Variants in TTLL7 observed in about 807,000 individuals in gnomAD.
TTLL7 encodes the protein tubulin polyglutamylase TTLL7.
In TTLL7, 53 loss-of-function variants were observed where a neutral mutation model predicts 120.2. That is an observed-to-expected ratio of 0.44 (90% CI 0.35 to 0.55). The LOEUF is 0.55. TTLL7 is among the 20% of genes least tolerant of loss of function. The pLI, the probability that TTLL7 is intolerant of heterozygous loss-of-function variation, is 0.00. For synonymous variants in TTLL7, 353 were observed against 351.7 expected, an observed-to-expected ratio of 1.00 and a Z score of -0.04; for missense variants, 803 against 1,054.7, an observed-to-expected ratio of 0.76 and a Z score of 3.31.
At chr1:83,944,386 C>T (rs1233455271) in intron 6 of TTLL7, among the ~76,000 whole-genome samples, 2 of 152,234 alleles carry the variant, frequency 1.3e-5, no homozygotes, top group Non-Finnish European at 1.5e-5. Flanking sequence ...TGTCAAAGAA[C>T]ACCAGAAAGG....
At chr1:83,895,646 A>AT (rs1486916870) in intron 18 of TTLL7, among the ~76,000 whole-genome samples, 4 of 152,090 alleles carry the variant, frequency 2.6e-5, no homozygotes, top group Admixed American at 6.6e-5. Context: ...TCGTGAAAAC[A>AT]TTTTGGATCC....
intron 9 of TTLL7, among the ~76,000 whole-genome samples, chr1:83,931,685 A>G (rs1338899128): frequency 6.6e-6 from 1 of 152,094 alleles, no homozygotes; most frequent in Non-Finnish European, 1.5e-5. Context: ...AAGAGTACTT[A>G]AAACTATTGG....
chr1:83,894,873 C>G (rs1051872291), intron 18 of TTLL7, among the ~76,000 whole-genome samples: 1 of 152,040 alleles, frequency 6.6e-6, no homozygotes, highest in Non-Finnish European at 1.5e-5. Context: ...TTTCAAGGAG[C>G]CTCCGCAAGA....
At position 83,867,909 on chromosome 1, in the gene TTLL7, A is replaced by G. The variant is rs1653026139; in HGVS notation, c.*2053T>C. 2 of 152,150 alleles carry G rather than the reference A, an allele frequency of 1.3e-5. No individual in the cohort carries two copies. The highest frequency in any genetic ancestry group is 1.3e-4 in the Admixed American group (2 of 15,264). The allele number at this position is 152,150 out of a possible 1,614,324, so 9.4% of individuals were successfully genotyped here. A position where few individuals can be genotyped will look rare whatever the true frequency, so the allele number is the denominator to read the frequency against. ...GAATTCACAAAATGGAGTCATAAACAGTGTAGTCACTGTAATTTCCTTCAT... is the reference window on the plus strand; with the variant it reads ...GAATTCACAAAATGGAGTCATAAACGGTGTAGTCACTGTAATTTCCTTCAT... On this transcript the variant is annotated 3_prime_UTR_variant, in exon 21 of 21. Transcript: ENST00000260505.
At position 83,933,613 on chromosome 1, in the gene TTLL7, G is replaced by A. The variant is rs1351176259; in HGVS notation, c.1042C>T (p.Leu348=). 3.1e-6 allele frequency: 5 copies of A among 1,611,680 alleles called. No homozygotes were observed. In the East Asian group the frequency reaches 1.1e-4, roughly 36 times the overall value. Residue 348 remains leucine, a synonymous_variant, in exon 9 of 21, where the codon CTG becomes TTG. Coordinates refer to ENST00000260505, the MANE Select transcript of TTLL7 (RefSeq NM_024686.6). ...LLDRKLKPWL[L]EINRAPSFGT... ...TTTCTTAAAGAATGCCTTACCTCCAGAAGCCATGGCTTTAGTTTTCTATCC... is the reference window on the plus strand; with the variant it reads ...TTTCTTAAAGAATGCCTTACCTCCAAAAGCCATGGCTTTAGTTTTCTATCC...
intron 8 of TTLL7, among the ~76,000 whole-genome samples, chr1:83,935,481 C>T (rs1647298858): frequency 1.3e-5 from 2 of 151,400 alleles, no homozygotes; most frequent in South Asian, 2.1e-4. Context: ...AATATCACTG[C>T]TTTAAAACGT....
chr1:83,985,063 G>T (rs1355147706), intron 1 of TTLL7, among the ~76,000 whole-genome samples: 2 of 152,180 alleles, frequency 1.3e-5, no homozygotes, highest in East Asian at 3.8e-4. Context: ...ATATATAAGG[G>T]AGTTTATTAG....
chr1:83,977,931 T>C lies in TTLL7; in HGVS notation c.-177+21000A>G, dbSNP rs191574203. ...GTTATGTGACTATTTCATCTAAATA[T>C]TTAGTTTGTACTTTGAGTATAATTA... On this transcript the variant is annotated intron_variant, in intron 1 of 20. Coordinates refer to ENST00000260505, the MANE Select transcript of TTLL7 (RefSeq NM_024686.6). Among the ~76,000 whole-genome samples the C allele has an allele frequency of 4.6e-5, 7 of 152,314 alleles. No individual in the cohort carries two copies. In the South Asian group the frequency reaches 6.2e-4, roughly 14 times the overall value.
chr1:83,945,019 G>A (rs1648349679), intron 6 of TTLL7, among the ~76,000 whole-genome samples: 1 of 152,090 alleles, frequency 6.6e-6, no homozygotes, highest in Admixed American at 6.5e-5. Flanking sequence ...TAAAAGAAAT[G>A]ACAAGGGAAT....
Position 83,911,354 on chromosome 1 carries a change from A to T in TTLL7, c.1597T>A (p.Ser533Thr). The change falls in exon 15 of 21, where the codon TCT becomes ACT. Residue 533 changes from serine (S) to threonine (T), a missense_variant. Coordinates refer to ENST00000260505, the MANE Select transcript of TTLL7 (RefSeq NM_024686.6). ...ATTATCTCAGTACTCTCAGGCATAG[A>T]ACACAGAGGCTAAAAAAGATGGAAA... is the stretch of plus-strand genomic sequence containing the variant. ...TKTRGPKPLC[S>T]MPESTEIMKR... is the part of the protein sequence containing the mutation. 6.2e-7 allele frequency: 1 copy of T among 1,608,328 alleles called. No individual in the cohort carries two copies. The highest frequency in any genetic ancestry group is 8.5e-7 in the Non-Finnish European group (1 of 1,178,066).
chr1:83,923,295 A>G lies in TTLL7; in HGVS notation c.1143-1901T>C, dbSNP rs538866477. On this transcript the variant is annotated intron_variant, in intron 10 of 20. Transcript: ENST00000260505. ...ATATAGCATTCAGTTTAAAAGAAAA[A>G]GAAGACAGGAAAAGAAAATAGAAAT... 2.6e-5 allele frequency among the ~76,000 whole-genome samples: 4 copies of G among 152,150 alleles called. No homozygotes were observed. In the South Asian group the frequency reaches 8.3e-4, roughly 32 times the overall value.
intron 20 of TTLL7, among the ~76,000 whole-genome samples, chr1:83,880,934 C>T (rs1472787321): frequency 6.6e-6 from 1 of 152,042 alleles, no homozygotes; most frequent in Non-Finnish European, 1.5e-5. Flanking sequence ...AGAAATAATG[C>T]CGCATATCTA....
rs141442046 is a variant in TTLL7 at position 83,907,766 on chromosome 1, T to C, written c.1787-105A>G. On this transcript the variant is annotated intron_variant, in intron 15 of 20. Coordinates refer to ENST00000260505, the MANE Select transcript of TTLL7 (RefSeq NM_024686.6). ...AAGATTATAGCAGCTAGTAGTAAAG[T>C]AGCAATAAATGTCAAAGCATAGGCA... 2,036 of 994,818 alleles carry C rather than the reference T, an allele frequency of 2.0e-3. 29 individuals carry two copies. The African/African-American group carries it at 0.027, about 13-fold the overall frequency. 61.6% of individuals were successfully genotyped at this position (994,818 alleles called of 1,614,324 possible).
chr1:83,953,543 G>T (rs978531904), intron 1 of TTLL7, among the ~76,000 whole-genome samples: 1 of 152,036 alleles, frequency 6.6e-6, no homozygotes, highest in Admixed American at 6.6e-5. Context: ...TTACTAAAAT[G>T]ATTGTCTAGT....
At chr1:83,905,510 C>A (rs1657115945) in intron 17 of TTLL7, among the ~76,000 whole-genome samples, 1 of 142,898 alleles carries the variant, frequency 7.0e-6, no homozygotes, top group Admixed American at 7.3e-5. Context: ...TAGATGGTGC[C>A]CTCTCCTCTG....
chr1:83,890,744 A>G (rs1165616323), intron 18 of TTLL7, among the ~76,000 whole-genome samples: 1 of 152,138 alleles, frequency 6.6e-6, no homozygotes, highest in Non-Finnish European at 1.5e-5. Flanking sequence ...TAAAAGAAAT[A>G]AAAATAAAAT....
intron 18 of TTLL7, among the ~76,000 whole-genome samples, chr1:83,892,441 C>CGT (rs1557563951): frequency 1.4e-4 from 19 of 132,942 alleles, no homozygotes; most frequent in South Asian, 2.3e-4. Flanking sequence ...TATATATGAA[C>CGT]ATATGAATGA....
chr1:83,965,609 T>G (rs114718239), intron 1 of TTLL7, among the ~76,000 whole-genome samples: 2,591 of 152,244 alleles, frequency 0.017, 43 homozygotes, highest in Non-Finnish European at 0.028. Context: ...TACAGTATTG[T>G]TTTTTGCCTT....
At chr1:83,947,419 T>C (rs567168917) in intron 5 of TTLL7, 137 bp from the exon 6 acceptor site, 2 of 769,036 alleles carry the variant, frequency 2.6e-6, no homozygotes, top group Non-Finnish European at 4.0e-6. Flanking sequence ...ATTTCATTCA[T>C]TCAACAAATG....
Sources: gnomAD v4.1 joint callset for allele counts (sites outside exome capture counted in the v4.1 genomes callset) on GRCh38, gnomAD v4.1.1 for gene constraint, MANE v1.5 for transcripts, NCBI Gene and HGNC (gene_info 2026-07-23, HGNC 2026-07-21) for gene names.